Variants in NPAS3 observed in about 807,000 individuals in gnomAD.
NPAS3 encodes neuronal PAS domain-containing protein 3.
Under a neutral mutation model 73.1 loss-of-function variants are expected in NPAS3, and 14 were observed. The ratio of observed to expected loss-of-function variants is 0.19; its 90% confidence interval spans 0.13 to 0.30. The LOEUF is 0.30. Ranked by LOEUF, NPAS3 falls within the 10% of genes least tolerant of loss-of-function variation. NPAS3 has a pLI of 1.00. For missense variants in NPAS3, 1,096 were observed against 1,250.0 expected (o/e 0.88, Z 1.86); for synonymous variants, 620 against 541.5 (o/e 1.14, Z -2.01).
chr14:33,271,901 T>C (rs2093293472), intron 3 of NPAS3, among the ~76,000 whole-genome samples: 1 of 152,166 alleles, frequency 6.6e-6, no homozygotes, highest in South Asian at 2.1e-4. Flanking sequence ...TAATGACTTT[T>C]TCAAAGAGAA....
At chr14:32,960,885 T>G (rs1393231165) in intron 1 of NPAS3, among the ~76,000 whole-genome samples, 3 of 152,188 alleles carry the variant, frequency 2.0e-5, no homozygotes, top group Non-Finnish European at 4.4e-5. Flanking sequence ...TTTGGGTTAG[T>G]TTTGTTTTCC....
chr14:33,520,400 A>G (rs1018875032), intron 4 of NPAS3, among the ~76,000 whole-genome samples: 1 of 152,022 alleles, frequency 6.6e-6, no homozygotes, highest in Non-Finnish European at 1.5e-5. Flanking sequence ...TCATCTGCTG[A>G]GGGAGGTTTG....
intron 4 of NPAS3, among the ~76,000 whole-genome samples, chr14:33,499,781 T>C (rs1318905319): frequency 6.6e-6 from 1 of 151,988 alleles, no homozygotes; most frequent in African/African-American, 2.4e-5. Context: ...CACTGAAACC[T>C]GCTGATGCTC....
In NPAS3 at chr14:33,526,392, G is replaced by A. The variant is rs1189507716; in HGVS notation, c.469-33729G>A. On this transcript the variant is annotated intron_variant, in intron 4 of 11. Coordinates refer to ENST00000356141, the Ensembl canonical transcript of NPAS3. Reference sequence around the variant, plus strand: ...AGCCATTTGTTTGTTTTTAATAAAGGAAAAACCTATTGGACAAATTTTTGA... The same window carrying A: ...AGCCATTTGTTTGTTTTTAATAAAGAAAAAACCTATTGGACAAATTTTTGA... 4.1e-5 allele frequency among the ~76,000 whole-genome samples: 6 copies of A among 145,902 alleles called. No individual in the cohort carries two copies. In the East Asian group the frequency reaches 1.2e-3, roughly 29 times the overall value.
chr14:33,106,605 C>T (rs1175663699), intron 2 of NPAS3, among the ~76,000 whole-genome samples: 3 of 152,130 alleles, frequency 2.0e-5, no homozygotes, highest in Admixed American at 6.6e-5. Context: ...TCCACTGGAG[C>T]CCTGCTCTTA....
intron 3 of NPAS3, among the ~76,000 whole-genome samples, chr14:33,345,935 A>T (rs920290204): frequency 2.0e-5 from 3 of 152,200 alleles, no homozygotes; most frequent in African/African-American, 7.2e-5. Flanking sequence ...TGGGATACAT[A>T]GAAGTGTTGA....
At chr14:33,236,812 A>T (rs1307470774) in intron 3 of NPAS3, among the ~76,000 whole-genome samples, 2 of 152,146 alleles carry the variant, frequency 1.3e-5, no homozygotes, top group African/African-American at 2.4e-5. Context: ...AGATATATTC[A>T]AACAGTGCTC....
intron 1 of NPAS3, among the ~76,000 whole-genome samples, chr14:33,047,008 GT>G (rs541084209): frequency 5.3e-4 from 81 of 152,012 alleles, no homozygotes; most frequent in African/African-American, 1.9e-3. Context: ...GGGAGGCAAG[GT>G]GATGGGTTCT....
intron 1 of NPAS3, among the ~76,000 whole-genome samples, chr14:32,956,338 G>C (rs553725466): frequency 6.6e-6 from 1 of 152,134 alleles, no homozygotes. Flanking sequence ...GCACAATTCA[G>C]TTATCACATG....
At chr14:33,722,639 A>AT (rs1237653934) in intron 6 of NPAS3, among the ~76,000 whole-genome samples, 1 of 152,064 alleles carries the variant, frequency 6.6e-6, no homozygotes, top group Non-Finnish European at 1.5e-5. Flanking sequence ...ATTGAAACTT[A>AT]TTAGGATCAT....
chr14:33,109,310 G>A (rs980691927), intron 2 of NPAS3, among the ~76,000 whole-genome samples: 4 of 152,084 alleles, frequency 2.6e-5, no homozygotes, highest in African/African-American at 9.7e-5. Flanking sequence ...CTGTAAAATG[G>A]GGGTGATACT....
intron 4 of NPAS3, among the ~76,000 whole-genome samples, chr14:33,462,965 A>G (rs1250273763): frequency 2.0e-5 from 3 of 152,244 alleles, no homozygotes; most frequent in Non-Finnish European, 4.4e-5. Context: ...GTAGGTAATA[A>G]ATGGTCATTC....
intron 9 of NPAS3, among the ~76,000 whole-genome samples, chr14:33,783,792 G>A (rs529101976): frequency 6.6e-6 from 1 of 152,240 alleles, no homozygotes; most frequent in East Asian, 1.9e-4. Context: ...ACATTTTAAG[G>A]CCTTCCCCAA....
At chr14:33,209,960 A>T (rs932656984) in intron 2 of NPAS3, among the ~76,000 whole-genome samples, 1 of 152,180 alleles carries the variant, frequency 6.6e-6, no homozygotes, top group African/African-American at 2.4e-5. Context: ...ATAAAAATAA[A>T]TTATTTAAAA....
At position 33,485,141 on chromosome 14, in the gene NPAS3, G is replaced by A. The variant is rs11846883; in HGVS notation, c.469-74980G>A. Reference sequence around the variant, plus strand: ...CATGCTAGCTTTCTCATGTATAGACGGTTTCTCCTTTCTGAGTCTGTGATA... The same window carrying A: ...CATGCTAGCTTTCTCATGTATAGACAGTTTCTCCTTTCTGAGTCTGTGATA... On this transcript the variant is annotated intron_variant, in intron 4 of 11. Coordinates refer to ENST00000356141, the Ensembl canonical transcript of NPAS3. Among the ~76,000 whole-genome samples, 1,074 of 152,120 alleles carry A rather than the reference G, an allele frequency of 7.1e-3. 9 individuals carry two copies. The highest frequency in any genetic ancestry group is 0.024 in the African/African-American group (1,008 of 41,482).
chr14:33,430,794 G>A (rs1191502541), intron 4 of NPAS3, among the ~76,000 whole-genome samples: 1 of 152,114 alleles, frequency 6.6e-6, no homozygotes, highest in African/African-American at 2.4e-5. Context: ...GAGAGGAGTG[G>A]TGGCCTTTAT....
At chr14:33,728,791 C>G (rs764042818) in intron 6 of NPAS3, among the ~76,000 whole-genome samples, 1 of 152,154 alleles carries the variant, frequency 6.6e-6, no homozygotes, top group Admixed American at 6.5e-5. Context: ...CCTTTAACTA[C>G]CAAACCCACT....
In NPAS3 at chr14:33,476,375, A is replaced by G. The variant is rs1168606486; in HGVS notation, c.469-83746A>G. On this transcript the variant is annotated intron_variant, in intron 4 of 11. Coordinates refer to ENST00000356141, the Ensembl canonical transcript of NPAS3. ...CTGTAATATCCTTTCCTCAATGACTACTTGTCAATTTCACTGATCTAGATT... is the reference window on the plus strand; with the variant it reads ...CTGTAATATCCTTTCCTCAATGACTGCTTGTCAATTTCACTGATCTAGATT... Among the ~76,000 whole-genome samples the G allele has an allele frequency of 2.6e-5, 4 of 152,174 alleles. No homozygotes were observed. In the East Asian group the frequency reaches 5.8e-4, roughly 22 times the overall value.
chr14:33,305,733 A>T (rs1735543793), intron 3 of NPAS3, among the ~76,000 whole-genome samples: 1 of 152,200 alleles, frequency 6.6e-6, no homozygotes. Context: ...AAGGTTACAG[A>T]ATCTCACTGG....
Sources: allele counts gnomAD v4.1 joint callset (sites outside exome capture counted in the v4.1 genomes callset), GRCh38; gene constraint gnomAD v4.1.1; transcripts MANE v1.5; gene names NCBI Gene and HGNC (gene_info 2026-07-23, HGNC 2026-07-21).